The following PDE4D variants were observed in gnomAD, a reference collection of about 807,000 sequenced individuals.
The protein encoded by PDE4D is 3',5'-cyclic-AMP phosphodiesterase 4D.
PDE4D carries 24 observed loss-of-function variants against 87.4 expected under a neutral mutation model. The ratio of observed to expected loss-of-function variants is 0.27; its 90% confidence interval spans 0.20 to 0.39. PDE4D has a LOEUF of 0.39. Ranked by LOEUF, PDE4D falls within the 10% of genes least tolerant of loss-of-function variation. The pLI, the probability that PDE4D is intolerant of heterozygous loss-of-function variation, is 1.00. For synonymous variants in PDE4D, 384 were observed against 383.2 expected (o/e 1.00, Z -0.02); for missense variants, 714 against 1,041.0 (o/e 0.69, Z 4.32).
intron 5 of PDE4D, among the ~76,000 whole-genome samples, chr5:59,081,843 G>C (rs1766830751): frequency 6.6e-6 from 1 of 152,074 alleles, no homozygotes; most frequent in Non-Finnish European, 1.5e-5. Context: ...ATCTCATCTT[G>C]AATTGTAATC....
At chr5:59,212,348 T>C (rs1205667633) in intron 2 of PDE4D, among the ~76,000 whole-genome samples, 2 of 152,146 alleles carry the variant, frequency 1.3e-5, no homozygotes, top group East Asian at 3.9e-4. Context: ...AAGAATGCTT[T>C]CTAGGAGTTG....
At chr5:59,464,758 G>A (rs184280318) in intron 1 of PDE4D, among the ~76,000 whole-genome samples, 3 of 152,182 alleles carry the variant, frequency 2.0e-5, no homozygotes, top group Admixed American at 2.0e-4. Context: ...CCCTTCACTC[G>A]GGTCATGCAG....
rs55821264 is a variant in PDE4D, at chr5:59,616,918, C to CATATATATATATATATATATATAT, written c.455+276226_455+276249dup. 5.8e-3 allele frequency among the ~76,000 whole-genome samples: 364 copies of CATATATATATATATATATATATAT among 62,816 alleles called. 55 individuals are homozygous for CATATATATATATATATATATATAT. Among genetic ancestry groups the CATATATATATATATATATATATAT allele is most frequent in the South Asian group, 0.01 (12 of 1,156 alleles). The allele number at this position is 62,816 out of a possible 152,430, so 41.2% of individuals were successfully genotyped here. On this transcript the variant is annotated intron_variant, in intron 1 of 14. Coordinates refer to ENST00000340635, the MANE Select transcript of PDE4D (RefSeq NM_001104631.2). Reference sequence around the variant, plus strand: ...GTGTATTACTTAGACCTAATAATTACATATATATATATATATATATATATA... The same window carrying CATATATATATATATATATATATAT: ...GTGTATTACTTAGACCTAATAATTACATATATATATATATATATATATATATATATATATATATATATATATATA...
chr5:59,825,449 G>C (rs1479918826), intron 1 of PDE4D, among the ~76,000 whole-genome samples: 1 of 152,118 alleles, frequency 6.6e-6, no homozygotes, highest in Non-Finnish European at 1.5e-5. Context: ...GGGTAGCATA[G>C]AGACCTGGGC....
intron 1 of PDE4D, among the ~76,000 whole-genome samples, chr5:59,667,957 G>A (rs1318631092): frequency 6.6e-6 from 1 of 151,910 alleles, no homozygotes; most frequent in African/African-American, 2.4e-5. Flanking sequence ...CTGTTTTTTT[G>A]CCCTTGTCCA....
chr5:59,257,543 AT>A lies in PDE4D; in HGVS notation c.456-41576del, dbSNP rs576279140. On this transcript the variant is annotated intron_variant, in intron 1 of 14. Coordinates refer to ENST00000340635, the MANE Select transcript of PDE4D (RefSeq NM_001104631.2). Reference sequence around the variant, plus strand: ...AAAACTATTCCAACCATTTGGTAGAATTTTTTTTTACTCACATATATCTACT... The same window carrying A: ...AAAACTATTCCAACCATTTGGTAGAATTTTTTTTACTCACATATATCTACT... Among the ~76,000 whole-genome samples the A allele has an allele frequency of 6.5e-4, 98 of 151,612 alleles. No homozygotes were observed. The South Asian group carries it at 0.014, about 22-fold the overall frequency.
intron 1 of PDE4D, among the ~76,000 whole-genome samples, chr5:59,327,863 G>T (rs899214312): frequency 2.6e-5 from 4 of 152,074 alleles, no homozygotes; most frequent in Non-Finnish European, 5.9e-5. Flanking sequence ...GTCTTCTTTG[G>T]TCCATTTCTT....
chr5:59,000,412 A>C (rs927933213), intron 6 of PDE4D, among the ~76,000 whole-genome samples: 1 of 152,208 alleles, frequency 6.6e-6, no homozygotes, highest in African/African-American at 2.4e-5. Flanking sequence ...CTCATCCAAC[A>C]TAAAAGCATA....
At chr5:60,193,669 C>CAAA (rs35340734) in intron 1 of PDE4D, among the ~76,000 whole-genome samples, 491 of 46,688 alleles carry the variant, frequency 0.011, 39 homozygotes, top group African/African-American at 0.03. Flanking sequence ...GACTCCGTCT[C>CAAA]AAAAAAAAAA....
intron 4 of PDE4D, among the ~76,000 whole-genome samples, chr5:59,183,612 A>C (rs1034685871): frequency 5.9e-5 from 9 of 152,128 alleles, no homozygotes; most frequent in Non-Finnish European, 1.2e-4. Flanking sequence ...AGTTAACTTC[A>C]TTTCTTCTGC....
intron 1 of PDE4D, among the ~76,000 whole-genome samples, chr5:59,486,836 GT>G (rs1426513383): frequency 2.0e-5 from 3 of 152,124 alleles, no homozygotes; most frequent in African/African-American, 7.2e-5. Flanking sequence ...AAAATACTAG[GT>G]TTTTATTAAG....
At chr5:59,624,618 G>C (rs1561349784) in intron 1 of PDE4D, among the ~76,000 whole-genome samples, 1 of 152,204 alleles carries the variant, frequency 6.6e-6, no homozygotes, top group Admixed American at 6.5e-5. Flanking sequence ...TGTGGCCTCT[G>C]CCTTGTTATC....
chr5:60,095,098 G>A (rs1312093414), intron 2 of PDE4D, among the ~76,000 whole-genome samples: 2 of 151,954 alleles, frequency 1.3e-5, no homozygotes, highest in Non-Finnish European at 2.9e-5. Flanking sequence ...TGTGCAGAAC[G>A]TGCAGGTTTG....
chr5:59,911,726 A>G (rs1036399710), intron 3 of PDE4D, among the ~76,000 whole-genome samples: 2 of 152,184 alleles, frequency 1.3e-5, no homozygotes, highest in African/African-American at 4.8e-5. Context: ...AACACTTTAA[A>G]GCAATTAGAG....
intron 1 of PDE4D, among the ~76,000 whole-genome samples, chr5:59,561,395 G>C (rs1421129216): frequency 1.3e-5 from 2 of 152,196 alleles, no homozygotes; most frequent in Non-Finnish European, 2.9e-5. Context: ...ATTAGACAAA[G>C]TTAAGTGTGT....
At chr5:59,080,527 A>G (rs1203374857) in intron 5 of PDE4D, among the ~76,000 whole-genome samples, 1 of 152,122 alleles carries the variant, frequency 6.6e-6, no homozygotes, top group Non-Finnish European at 1.5e-5. Context: ...ACCTACCAAC[A>G]TCGTCATATT....
At chr5:60,119,518 TC>T (rs1324776955) in intron 2 of PDE4D, among the ~76,000 whole-genome samples, 1 of 152,216 alleles carries the variant, frequency 6.6e-6, no homozygotes, top group Admixed American at 6.5e-5. Context: ...AAAATGGTTG[TC>T]CTCTGGAATT....
chr5:60,432,087 G>GGGAGAA (rs1206743477), intron 1 of PDE4D, among the ~76,000 whole-genome samples: 3 of 125,620 alleles, frequency 2.4e-5, no homozygotes, highest in African/African-American at 9.5e-5. Context: ...GGAGACCGTG[G>GGGAGAA]GGAGAAGGAG....
intron 2 of PDE4D, among the ~76,000 whole-genome samples, chr5:60,086,314 TG>T (rs1353624932): frequency 1.3e-5 from 2 of 152,198 alleles, no homozygotes; most frequent in Non-Finnish European, 2.9e-5. Flanking sequence ...AACAAACTAT[TG>T]CTTTATTAAC....
Sources: allele counts gnomAD v4.1 joint callset (sites outside exome capture counted in the v4.1 genomes callset), GRCh38; gene constraint gnomAD v4.1.1; transcripts MANE v1.5; gene names NCBI Gene and HGNC (gene_info 2026-07-23, HGNC 2026-07-21).